Variants in ZSCAN29 observed in about 807,000 individuals in gnomAD.
ZSCAN29 encodes zinc finger and SCAN domain containing 29.
A neutral mutation model predicts 71.9 loss-of-function variants in ZSCAN29; 55 were observed. The ratio of observed to expected loss-of-function variants is 0.76; its 90% CI spans 0.62 to 0.96. The LOEUF (loss-of-function observed/expected upper bound fraction) is 0.96, where lower values mean the gene tolerates loss of function less well. Ranked by LOEUF, ZSCAN29 falls within the 40% of genes least tolerant of loss-of-function variation. The pLI is 0.00. For missense variants in ZSCAN29, 1,042 were observed against 1,042.2 expected (o/e 1.00, Z 0.00); for synonymous variants, 351 against 371.6 (o/e 0.94, Z 0.64).
In ZSCAN29 at chr15:43,359,420, T is replaced by C. The variant is rs1161505858; in HGVS notation, c.*1653A>G. ...AATACTATTGTATTATAAAGATGAG[T>C]AATTATATTTGCATTTAAAGAACTG... On this transcript the variant is annotated 3_prime_UTR_variant, in exon 6 of 6. Coordinates refer to ENST00000684362, the MANE Select transcript of ZSCAN29 (RefSeq NM_001372080.1). 1 of 152,240 alleles carries C rather than the reference T, an allele frequency of 6.6e-6. No homozygotes were observed. Among genetic ancestry groups the C allele is most frequent in the Non-Finnish European group, 1.5e-5 (1 of 68,044 alleles). 9.4% of individuals were successfully genotyped at this position (152,240 alleles called of 1,614,324 possible). A position where few individuals can be genotyped will look rare whatever the true frequency, so the allele number is the denominator to read the frequency against.
In ZSCAN29 at chr15:43,369,871, C is replaced by G. The variant is rs768203572; in HGVS notation, c.43G>C (p.Glu15Gln). ...CTCCTGAAACGCTGTCGGAAGGTCT[C>G]AGAGTTAGTGCCATTCTCTCTTAGA... The part of the protein sequence containing the change: ...SALRENGTNS[E>Q]TFRQRFRRFH... Residue 15 changes from glutamate to glutamine, a missense_variant, in exon 2 of 6, where the codon GAG (glutamate) becomes CAG (glutamine). Physicochemically the swap from Glu to Gln is conservative, Grantham distance 29. Coordinates refer to ENST00000684362, the MANE Select transcript of ZSCAN29 (RefSeq NM_001372080.1). 1 of 1,612,068 alleles carries G rather than the reference C, an allele frequency of 6.2e-7. No individual in the cohort carries two copies. Among genetic ancestry groups the G allele is most frequent in the Admixed American group, 1.7e-5 (1 of 60,014 alleles).
chr15:43,365,902 T>A (rs372001730), intron 4 of ZSCAN29, among the ~76,000 whole-genome samples: 2 of 152,318 alleles, frequency 1.3e-5, no homozygotes, highest in African/African-American at 4.8e-5. Context: ...ATTTTCTGAG[T>A]GTATTTCTTC....
Position 43,361,596 on chromosome 15 carries a change from T to A in ZSCAN29, c.2036A>T (p.Lys679Ile). 1 of 1,614,186 alleles carries A rather than the reference T, an allele frequency of 6.2e-7. No individual in the cohort carries two copies. Among genetic ancestry groups the A allele is most frequent in the Non-Finnish European group, 8.5e-7 (1 of 1,180,022 alleles). Residue 679 changes from lysine (K) to isoleucine (I), a missense_variant, in exon 6 of 6, where the codon AAA becomes ATA. Physicochemically the swap from Lys to Ile is moderately radical, Grantham distance 102. Coordinates refer to ENST00000684362, the MANE Select transcript of ZSCAN29 (RefSeq NM_001372080.1). ...GAAGCTTTTCCCACAATCAGCACAT[T>A]TATATGGATTTTCCACCTGGTGGGA... ...QVSHQVENPYKCADCGKSFSR... is the reference protein window; with the variant it reads ...QVSHQVENPYICADCGKSFSR...
In ZSCAN29 at chr15:43,361,035, A is replaced by G. The variant is rs1020080604; in HGVS notation, c.*38T>C. 1 of 1,536,384 alleles carries G rather than the reference A, an allele frequency of 6.5e-7. No individual in the cohort carries two copies. The highest frequency in any genetic ancestry group is 2.1e-5 in the Admixed American group (1 of 48,182). On this transcript the variant is annotated 3_prime_UTR_variant, in exon 6 of 6. Transcript: ENST00000684362. ...TATTGGAAGACTTTCTAAACAATAC[A>G]TTTATTGAGCCTCTTTCCGTTATAT...
rs2044012802 is a variant in ZSCAN29 at position 43,364,190 on chromosome 15, T to C, written c.1415A>G (p.Tyr472Cys). 6.2e-7 allele frequency: 1 copy of C among 1,614,094 alleles called. No individual in the cohort carries two copies. The highest frequency in any genetic ancestry group is 8.5e-7 in the Non-Finnish European group (1 of 1,180,048). The change falls in exon 5 of 6, where the codon TAT becomes TGT. Residue 472 changes from tyrosine (Y) to cysteine (C), a missense_variant. By Grantham distance (194) the Tyr-to-Cys change is radical (BLOSUM62 -2). Transcript: ENST00000684362. The stretch of plus-strand genomic sequence containing the variant: ...TGCCTGGCCATTCTTAACTTTCCGA[T>C]AGCTGGTTTGCAGGCTTTTAAACTT... ...RTKFKSLQTS[Y>C]RKVKNGQAPE...
In ZSCAN29 at chr15:43,359,596, T is replaced by G. The variant is rs900226531; in HGVS notation, c.*1477A>C. On this transcript the variant is annotated 3_prime_UTR_variant, in exon 6 of 6. Transcript: ENST00000684362. The stretch of plus-strand genomic sequence containing the variant: ...ACGGGAATGTGGCAGTGGCTTCTGC[T>G]TATTGCAGGTAAGTGCCCATGGAGG... 2 of 152,378 alleles carry G rather than the reference T, an allele frequency of 1.3e-5. No individual in the cohort carries two copies. The highest frequency in any genetic ancestry group is 3.9e-4 in the East Asian group (2 of 5,190). The allele number at this position is 152,378 out of a possible 1,614,324, so 9.4% of individuals were successfully genotyped here. A position where few individuals can be genotyped will look rare whatever the true frequency, so the allele number is the denominator to read the frequency against.
intron 4 of ZSCAN29, 88 bp downstream of exon 4, chr15:43,366,022 G>A: frequency 7.4e-7 from 1 of 1,342,518 alleles, no homozygotes; most frequent in Non-Finnish European, 1.0e-6. Context: ...GGCAAAGCTG[G>A]CATGTGACAT....
chr15:43,363,560 GAACTTTTAAAATCAACTTCATCC>G (rs2044003652), intron 5 of ZSCAN29, among the ~76,000 whole-genome samples: 1 of 152,188 alleles, frequency 6.6e-6, no homozygotes, highest in East Asian at 1.9e-4. Context: ...AAAAGAGAAT[GAACTTTTAAAATCAACTTCATCC>G]TACCGTGGGT....
rs1401996823 is a variant in ZSCAN29, at chr15:43,366,764, CT to C, written c.567del (p.Gly190GlufsTer22). The C allele has an allele frequency of 6.2e-6, 10 of 1,613,964 alleles. No individual in the cohort carries two copies. The highest frequency in any genetic ancestry group is 8.5e-6 in the Non-Finnish European group (10 of 1,180,004). On this transcript the variant is annotated frameshift_variant, in exon 4 of 6. Transcript: ENST00000684362. LOFTEE classifies it high-confidence loss of function. ...AGCAGATCTGGGATCCATGGCTCTC[CT>C]TGCTCCAACCTGGAGACCACACCGG... Reference protein sequence around the residue: ...PKSGVVSRLEQGEPWIPDLLG... With the variant: ...PKSGVVSRLEXGEPWIPDLLG...
rs2043972184 is a variant in ZSCAN29 at position 43,361,005 on chromosome 15, C to A, written c.*68G>T. ...ACTGGACACAGAATAGTAGATGAAT[C>A]TCACTATTGGAAGACTTTCTAAACA... On this transcript the variant is annotated 3_prime_UTR_variant, in exon 6 of 6. Transcript: ENST00000684362. 5 of 1,489,096 alleles carry A rather than the reference C, an allele frequency of 3.4e-6. No individual in the cohort carries two copies. Among genetic ancestry groups the A allele is most frequent in the Admixed American group, 2.2e-5 (1 of 44,898 alleles). 92.2% of individuals were successfully genotyped at this position (1,489,096 alleles called of 1,614,324 possible).
At position 43,366,420 on chromosome 15, in the gene ZSCAN29, A is replaced by G. The variant is rs1290939274; in HGVS notation, c.912T>C (p.Gly304=). ...TLEQCRTKFK[G]LQKSYRKVKS... ...TGACTTTCCGATAGCTCTTCTGGAG[A>G]CCTTTGAACTTGGTCCGACACTGTT... The change falls in exon 4 of 6, where the codon GGT becomes GGC. Residue 304 remains glycine (G), a synonymous_variant. Transcript: ENST00000684362. 6.2e-6 allele frequency: 10 copies of G among 1,613,940 alleles called. No individual in the cohort carries two copies. Among genetic ancestry groups the G allele is most frequent in the Middle Eastern group, 3.3e-4 (2 of 6,062 alleles).
Position 43,360,049 on chromosome 15 carries a change from T to C in ZSCAN29, c.*1024A>G, listed in dbSNP as rs1333222019. ...GTCATTCATTTTAGCATTTCCATTATTGTATAAAGAAGAGCTGGGCCGGGT... is the reference window on the plus strand; with the variant it reads ...GTCATTCATTTTAGCATTTCCATTACTGTATAAAGAAGAGCTGGGCCGGGT... On this transcript the variant is annotated 3_prime_UTR_variant, in exon 6 of 6. Coordinates refer to ENST00000684362, the MANE Select transcript of ZSCAN29 (RefSeq NM_001372080.1). 2 of 152,206 alleles carry C rather than the reference T, an allele frequency of 1.3e-5. No individual in the cohort carries two copies. The highest frequency in any genetic ancestry group is 2.9e-5 in the Non-Finnish European group (2 of 68,042). 9.4% of individuals were successfully genotyped at this position (152,206 alleles called of 1,614,324 possible). A position where few individuals can be genotyped will look rare whatever the true frequency, so the allele number is the denominator to read the frequency against.
At chr15:43,367,670 A>G (rs974365040) in intron 3 of ZSCAN29, among the ~76,000 whole-genome samples, 1 of 152,178 alleles carries the variant, frequency 6.6e-6, no homozygotes, top group Non-Finnish European at 1.5e-5. Flanking sequence ...AGTGTTCTCA[A>G]TCATGTTTTT....
rs2043969612 is a variant in ZSCAN29, at chr15:43,360,679, T to C, written c.*394A>G. ...CTAGACCCACCTAATGGGCAAAGTCTCATAACTTCTTCTCGAAATGTAATG... is the reference window on the plus strand; with the variant it reads ...CTAGACCCACCTAATGGGCAAAGTCCCATAACTTCTTCTCGAAATGTAATG... On this transcript the variant is annotated 3_prime_UTR_variant, in exon 6 of 6. Transcript: ENST00000684362. 1.2e-5 allele frequency: 2 copies of C among 168,250 alleles called. No individual in the cohort carries two copies. Among genetic ancestry groups the C allele is most frequent in the African/African-American group, 4.8e-5 (2 of 41,668 alleles). 10.4% of individuals were successfully genotyped at this position (168,250 alleles called of 1,614,324 possible).
At chr15:43,363,821 G>T in intron 5 of ZSCAN29, 94 bp downstream of exon 5, 1 of 1,211,160 alleles carries the variant, frequency 8.3e-7, no homozygotes, top group Non-Finnish European at 1.1e-6. Flanking sequence ...CATGAAAGCT[G>T]GGTGTAGAGG....
chr15:43,369,497 C>G (rs1225348357), intron 2 of ZSCAN29, 99 bp downstream of exon 2: 1 of 1,347,586 alleles, frequency 7.4e-7, no homozygotes, highest in Non-Finnish European at 1.0e-6. Flanking sequence ...ATAAGCCTCA[C>G]CAAGGGAGAC....
At chr15:43,369,154 C>G (rs1306176799) in intron 2 of ZSCAN29, 27 bp from the exon 3 acceptor site, 1 of 1,522,926 alleles carries the variant, frequency 6.6e-7, no homozygotes. Context: ...TTAATTGTCA[C>G]TGCAAGATCA....
chr15:43,359,482 T>C lies in ZSCAN29; in HGVS notation c.*1591A>G, dbSNP rs1317583537. 1.3e-5 allele frequency: 2 copies of C among 152,264 alleles called. No homozygotes were observed. Among genetic ancestry groups the C allele is most frequent in the African/African-American group, 4.8e-5 (2 of 41,464 alleles). 9.4% of individuals were successfully genotyped at this position (152,264 alleles called of 1,614,324 possible). ...ATTCAGTTGAATGTGTATGTCTAGA[T>C]TGGCAGCTCCACTGGCCAAAGATAA... On this transcript the variant is annotated 3_prime_UTR_variant, in exon 6 of 6. Transcript: ENST00000684362.
intron 3 of ZSCAN29, among the ~76,000 whole-genome samples, chr15:43,368,651 G>A (rs947951189): frequency 7.4e-5 from 11 of 149,006 alleles, no homozygotes; most frequent in Non-Finnish European, 1.6e-4. Context: ...TTCAAGTATA[G>A]AAAAGAATTT....
Sources: gnomAD v4.1 joint callset for allele counts (sites outside exome capture counted in the v4.1 genomes callset) on GRCh38, gnomAD v4.1.1 for gene constraint, MANE v1.5 for transcripts, NCBI Gene and HGNC (gene_info 2026-07-23, HGNC 2026-07-21) for gene names.